The following PHKB variants were observed in gnomAD, a reference collection of about 807,000 sequenced individuals.
PHKB encodes phosphorylase b kinase regulatory subunit beta.
PHKB carries 122 observed loss-of-function variants against 152.1 expected under a neutral mutation model. That is an observed-to-expected ratio of 0.80 (90% confidence interval 0.69 to 0.93). PHKB has a LOEUF of 0.93. Among genes scored for constraint, PHKB ranks in the 40% least tolerant of loss-of-function variants. The pLI, the probability that PHKB is intolerant of heterozygous loss-of-function variation, is 0.00. For synonymous variants in PHKB, 436 were observed against 464.9 expected, an observed-to-expected ratio of 0.94 and a Z score of 0.80; for missense variants, 1,304 against 1,328.4, an observed-to-expected ratio of 0.98 and a Z score of 0.29.
chr16:47,610,688 A>G (rs1972410605), intron 13 of PHKB, 138 bp from the exon 14 acceptor site: 2 of 688,980 alleles, frequency 2.9e-6, no homozygotes, highest in African/African-American at 1.8e-5. Context: ...TATGTGGTAT[A>G]TCCTGGTGGA....
chr16:47,635,245 A>G (rs1270323416), intron 14 of PHKB, among the ~76,000 whole-genome samples: 1 of 152,178 alleles, frequency 6.6e-6, no homozygotes, highest in Non-Finnish European at 1.5e-5. Flanking sequence ...TTGCCACTTA[A>G]TAGCTTTATG....
intron 7 of PHKB, among the ~76,000 whole-genome samples, chr16:47,574,045 G>T (rs545488433): frequency 8.6e-4 from 131 of 152,284 alleles, no homozygotes; most frequent in Non-Finnish European, 1.5e-3. Flanking sequence ...TCAGCCTCCT[G>T]AGTAGCTGAG....
intron 6 of PHKB, among the ~76,000 whole-genome samples, chr16:47,543,483 A>G (rs1971100830): frequency 6.6e-6 from 1 of 152,050 alleles, no homozygotes; most frequent in Non-Finnish European, 1.5e-5. Flanking sequence ...TGTGTCTGCC[A>G]GGCTTTAGTA....
At chr16:47,461,455 C>G (rs747758822) in intron 1 of PHKB, 29 bp downstream of exon 1, 5 of 1,610,618 alleles carry the variant, frequency 3.1e-6, no homozygotes, top group Non-Finnish European at 4.2e-6. Context: ...CCGCCCCCCA[C>G]CCGAGTACCT....
At chr16:47,659,876 A>G (rs1406141414) in intron 20 of PHKB, among the ~76,000 whole-genome samples, 1 of 151,952 alleles carries the variant, frequency 6.6e-6, no homozygotes, top group Non-Finnish European at 1.5e-5. Flanking sequence ...TTATTTATTT[A>G]TTTTTTGAGA....
chr16:47,533,062 A>C (rs144692787), intron 6 of PHKB, among the ~76,000 whole-genome samples: 4 of 152,154 alleles, frequency 2.6e-5, no homozygotes, highest in African/African-American at 9.6e-5. Flanking sequence ...CTCTGCAAGC[A>C]GGTCATCCCA....
At position 47,592,415 on chromosome 16, in the gene PHKB, T is replaced by G. The variant is rs537490701; in HGVS notation, c.1069-1085T>G. Among the ~76,000 whole-genome samples, 9 of 152,386 alleles carry G rather than the reference T, an allele frequency of 5.9e-5. No homozygotes were observed. In the East Asian group the frequency reaches 1.7e-3, roughly 29 times the overall value. On this transcript the variant is annotated intron_variant, in intron 10 of 30. Coordinates refer to ENST00000323584, the MANE Select transcript of PHKB (RefSeq NM_000293.3). ...GTTTTCACTACTTCGTCCTTGCTTA[T>G]TGCAGAAATACTGAATTGCTGGTAG... is the stretch of plus-strand genomic sequence containing the variant.
At chr16:47,579,133 G>C (rs1027473049) in intron 7 of PHKB, among the ~76,000 whole-genome samples, 24 of 152,098 alleles carry the variant, frequency 1.6e-4, no homozygotes, top group African/African-American at 5.8e-4. Context: ...TAATGTCCAA[G>C]CTTCTTGGTT....
chr16:47,540,168 C>T (rs1971028105), intron 6 of PHKB, among the ~76,000 whole-genome samples: 1 of 151,990 alleles, frequency 6.6e-6, no homozygotes, highest in Non-Finnish European at 1.5e-5. Flanking sequence ...GAGTGTCTGT[C>T]TTATGTGGTT....
At chr16:47,463,660 T>C (rs1969615670) in intron 1 of PHKB, 2 of 454,216 alleles carry the variant, frequency 4.4e-6, no homozygotes, top group Admixed American at 3.4e-5. Flanking sequence ...ACTACTTTTA[T>C]GTAATGTCTA....
intron 29 of PHKB, among the ~76,000 whole-genome samples, chr16:47,697,180 C>T (rs1974163225): frequency 6.6e-6 from 1 of 152,184 alleles, no homozygotes; most frequent in Non-Finnish European, 1.5e-5. Flanking sequence ...ATCCATCCGA[C>T]TTTTGTGTTT....
chr16:47,612,679 G>C (rs577676263), intron 14 of PHKB, among the ~76,000 whole-genome samples: 5 of 152,304 alleles, frequency 3.3e-5, no homozygotes, highest in Non-Finnish European at 7.3e-5. Flanking sequence ...TTACCTCTGT[G>C]CAGTGTTGTA....
intron 7 of PHKB, among the ~76,000 whole-genome samples, chr16:47,549,990 G>C (rs1971242728): frequency 6.6e-6 from 1 of 152,148 alleles, no homozygotes; most frequent in African/African-American, 2.4e-5. Context: ...TGTCGTTTAA[G>C]TTTGGATGAT....
Position 47,648,498 on chromosome 16 carries a change from T to G in PHKB, c.1609-35T>G, listed in dbSNP as rs757304446. 4.2e-4 allele frequency: 570 copies of G among 1,363,504 alleles called. 2 individuals are homozygous for G. The highest frequency in any genetic ancestry group is 5.2e-4 in the Non-Finnish European group (493 of 952,162). 84.5% of individuals were successfully genotyped at this position (1,363,504 alleles called of 1,614,324 possible). On this transcript the variant is annotated intron_variant, in intron 16 of 30. Transcript: ENST00000323584. Reference sequence around the variant, plus strand: ...GGGGTGAGAAAGTGACATGGATTCTTACCTGACTCTAATTTACAAACTTGT... The same window carrying G: ...GGGGTGAGAAAGTGACATGGATTCTGACCTGACTCTAATTTACAAACTTGT...
intron 7 of PHKB, chr16:47,565,677 G>T: frequency 7.5e-7 from 1 of 1,334,012 alleles, no homozygotes; most frequent in Non-Finnish European, 1.1e-6. Context: ...CTGTTCCTGA[G>T]TTTCTTCACT....
rs9924052 is a variant in PHKB at position 47,546,170 on chromosome 16, C to T, written c.595-1263C>T. Among the ~76,000 whole-genome samples, 632 of 152,266 alleles carry T rather than the reference C, an allele frequency of 4.2e-3. 6 individuals are homozygous for T. The highest frequency in any genetic ancestry group is 0.014 in the African/African-American group (602 of 41,566). On this transcript the variant is annotated intron_variant, in intron 6 of 30. Coordinates refer to ENST00000323584, the MANE Select transcript of PHKB (RefSeq NM_000293.3). ...GCTACGGTTCTTTGGAGAAGGGTCA[C>T]TCCTGTTTTTAGAACTTTCAGCTTT...
intron 7 of PHKB, among the ~76,000 whole-genome samples, chr16:47,579,821 C>T (rs1971811865): frequency 1.3e-5 from 2 of 152,036 alleles, no homozygotes; most frequent in Admixed American, 1.3e-4. Context: ...GGATGTTAGG[C>T]AAGAGTGTTT....
At chr16:47,627,978 T>C (rs569883353) in intron 14 of PHKB, among the ~76,000 whole-genome samples, 1 of 152,128 alleles carries the variant, frequency 6.6e-6, no homozygotes, top group African/African-American at 2.4e-5. Context: ...GAAAAATGAG[T>C]GTAATGAAAA....
At chr16:47,489,140 T>G (rs949127873) in intron 1 of PHKB, among the ~76,000 whole-genome samples, 1 of 152,070 alleles carries the variant, frequency 6.6e-6, no homozygotes, top group African/African-American at 2.4e-5. Flanking sequence ...TGTGACCACC[T>G]CCCAAGTTCA....
Sources: allele counts gnomAD v4.1 joint callset (sites outside exome capture counted in the v4.1 genomes callset), GRCh38; gene constraint gnomAD v4.1.1; transcripts MANE v1.5; gene names NCBI Gene and HGNC (gene_info 2026-07-23, HGNC 2026-07-21).